The following ROBO1 variants were observed in gnomAD, a reference collection of about 807,000 sequenced individuals.
The protein encoded by ROBO1 is roundabout guidance receptor 1, also known as roundabout homolog 1.
In ROBO1, 149 loss-of-function variants were observed where a neutral mutation model predicts 195.9. The observed-to-expected ratio is 0.76, with a 90% confidence interval of 0.67 to 0.87. ROBO1 has a LOEUF of 0.87. Ranked by LOEUF, ROBO1 falls within the 40% of genes least tolerant of loss-of-function variation. The pLI, the probability that ROBO1 is intolerant of heterozygous loss-of-function variation, is 0.00. For synonymous variants in ROBO1, 816 were observed against 733.2 expected, an observed-to-expected ratio of 1.11 and a Z score of -1.82; for missense variants, 1,933 against 2,068.3, an observed-to-expected ratio of 0.93 and a Z score of 1.27.
At chr3:78,888,191 C>T (rs1486193741) in intron 4 of ROBO1, among the ~76,000 whole-genome samples, 1 of 152,226 alleles carries the variant, frequency 6.6e-6, no homozygotes, top group Non-Finnish European at 1.5e-5. Flanking sequence ...TAAAAGTTTC[C>T]GACAAAGTCA....
At chr3:79,519,014 A>T (rs1359128718) in intron 2 of ROBO1, among the ~76,000 whole-genome samples, 1 of 152,096 alleles carries the variant, frequency 6.6e-6, no homozygotes, top group African/African-American at 2.4e-5. Flanking sequence ...TCTTAACAGC[A>T]TGCATTTGTC....
chr3:78,742,186 A>G (rs2082549169), intron 5 of ROBO1, among the ~76,000 whole-genome samples: 1 of 152,164 alleles, frequency 6.6e-6, no homozygotes, highest in African/African-American at 2.4e-5. Context: ...TCCTATAACC[A>G]AAACTGTAGC....
chr3:78,885,698 T>C (rs181463168), intron 4 of ROBO1, among the ~76,000 whole-genome samples: 34 of 151,144 alleles, frequency 2.2e-4, no homozygotes, highest in Admixed American at 2.0e-3. Context: ...TGTATATTAG[T>C]AAATGTGACA....
chr3:79,539,961 A>G (rs1942004846), intron 2 of ROBO1, among the ~76,000 whole-genome samples: 1 of 152,036 alleles, frequency 6.6e-6, no homozygotes, highest in Admixed American at 6.6e-5. Context: ...ACTTGAATCT[A>G]GACTTTGAAA....
Position 79,444,802 on chromosome 3 carries a change from T to A in ROBO1, c.88+145022A>T, listed in dbSNP as rs529772543. ...AAAATTTAAATAATGCTATATGCATTAACATAAATGAATATCACTAATAAT... is the reference window on the plus strand; with the variant it reads ...AAAATTTAAATAATGCTATATGCATAAACATAAATGAATATCACTAATAAT... On this transcript the variant is annotated intron_variant, in intron 2 of 30. Transcript: ENST00000464233. Among the ~76,000 whole-genome samples, 5 of 152,252 alleles carry A rather than the reference T, an allele frequency of 3.3e-5. No homozygotes were observed. In the South Asian group the frequency reaches 1.0e-3, roughly 32 times the overall value.
At chr3:79,119,193 T>TA (rs551110548) in intron 3 of ROBO1, among the ~76,000 whole-genome samples, 349 of 152,292 alleles carry the variant, frequency 2.3e-3, no homozygotes, top group Admixed American at 2.5e-3. Context: ...CTTTAATTTT[T>TA]AAGAAATAAT....
At chr3:79,558,274 C>T (rs770615047) in intron 2 of ROBO1, among the ~76,000 whole-genome samples, 4 of 152,056 alleles carry the variant, frequency 2.6e-5, no homozygotes, top group Non-Finnish European at 4.4e-5. Flanking sequence ...CTTCTTCTTC[C>T]GCTTCAGTCT....
chr3:79,304,535 C>T (rs997240088), intron 2 of ROBO1, among the ~76,000 whole-genome samples: 11 of 152,170 alleles, frequency 7.2e-5, no homozygotes, highest in South Asian at 2.1e-4. Flanking sequence ...ACTCTCTCCA[C>T]CCCAAGCAAC....
At chr3:79,473,976 G>C (rs934399887) in intron 2 of ROBO1, among the ~76,000 whole-genome samples, 1 of 152,068 alleles carries the variant, frequency 6.6e-6, no homozygotes, top group African/African-American at 2.4e-5. Flanking sequence ...GTAAAGCAAA[G>C]CTCATATGTG....
chr3:79,060,610 C>T (rs907142996), intron 3 of ROBO1, among the ~76,000 whole-genome samples: 2 of 151,954 alleles, frequency 1.3e-5, no homozygotes, highest in Non-Finnish European at 2.9e-5. Context: ...AAAATATGGG[C>T]AAACTGAATC....
At chr3:79,119,049 A>G (rs1005293055) in intron 3 of ROBO1, among the ~76,000 whole-genome samples, 2 of 152,182 alleles carry the variant, frequency 1.3e-5, no homozygotes, top group African/African-American at 4.8e-5. Context: ...CACGGAAAAT[A>G]TTATCAAATT....
At chr3:78,942,667 T>C (rs1228089043) in intron 3 of ROBO1, among the ~76,000 whole-genome samples, 1 of 152,172 alleles carries the variant, frequency 6.6e-6, no homozygotes, top group Non-Finnish European at 1.5e-5. Context: ...ATCCTTAAGT[T>C]TGACCTCAAA....
chr3:79,199,637 T>C (rs748935262), intron 2 of ROBO1, among the ~76,000 whole-genome samples: 11 of 151,794 alleles, frequency 7.2e-5, no homozygotes, highest in Admixed American at 5.3e-4. Flanking sequence ...CTATCCTTTC[T>C]TCCTGGATGC....
chr3:78,672,976 T>C (rs192998469), intron 10 of ROBO1, among the ~76,000 whole-genome samples: 49 of 152,254 alleles, frequency 3.2e-4, no homozygotes, highest in African/African-American at 1.1e-3. Context: ...CTCTCTCCAA[T>C]ACAGTAGCCA....
chr3:79,725,904 T>TAAA (rs34114066), intron 1 of ROBO1, among the ~76,000 whole-genome samples: 32 of 147,350 alleles, frequency 2.2e-4, no homozygotes, highest in East Asian at 1.2e-3. Context: ...TACAGACACT[T>TAAA]AAAAAAAAAA....
chr3:79,280,029 T>C (rs955802855), intron 2 of ROBO1, among the ~76,000 whole-genome samples: 1 of 152,172 alleles, frequency 6.6e-6, no homozygotes, highest in Admixed American at 6.5e-5. Flanking sequence ...ATCACTCATA[T>C]ATGAAAGCTA....
chr3:79,180,742 G>A (rs4532095), intron 2 of ROBO1, among the ~76,000 whole-genome samples: 13,396 of 152,216 alleles, frequency 0.088, 1,014 homozygotes, highest in African/African-American at 0.2. Context: ...AAAAAAGTCA[G>A]TGTTATGATG....
intron 2 of ROBO1, among the ~76,000 whole-genome samples, chr3:79,432,798 T>C (rs903714937): frequency 1.3e-5 from 2 of 152,126 alleles, no homozygotes; most frequent in Admixed American, 6.6e-5. Context: ...TTCTTTTTAG[T>C]CAAGGGTCAC....
chr3:79,337,084 T>C (rs1357861624), intron 2 of ROBO1, among the ~76,000 whole-genome samples: 15 of 152,336 alleles, frequency 9.8e-5, no homozygotes, highest in Non-Finnish European at 1.8e-4. Flanking sequence ...ATTTAGGAAG[T>C]AACCAGCTTG....
Sources: gnomAD v4.1 joint callset for allele counts (sites outside exome capture counted in the v4.1 genomes callset) on GRCh38, gnomAD v4.1.1 for gene constraint, MANE v1.5 for transcripts, NCBI Gene and HGNC (gene_info 2026-07-23, HGNC 2026-07-21) for gene names.